The following YTHDC2 variants were observed in gnomAD, a reference collection of about 807,000 sequenced individuals.
The protein encoded by YTHDC2 is 3'-5' RNA helicase YTHDC2.
A neutral mutation model predicts 174.9 loss-of-function variants in YTHDC2; 45 were observed. That is an observed-to-expected ratio of 0.26 (90% CI 0.20 to 0.33). YTHDC2 has a LOEUF of 0.33. YTHDC2 is among the 10% of genes least tolerant of loss of function. The probability of loss-of-function intolerance (pLI) is 1.00; values close to 1 mark genes in which losing one functional copy is unlikely to be tolerated. For missense variants in YTHDC2, 1,650 were observed against 1,723.7 expected (o/e 0.96, Z 0.76); for synonymous variants, 657 against 574.5 (o/e 1.14, Z -2.05).
intron 10 of YTHDC2, among the ~76,000 whole-genome samples, chr5:113,548,103 A>C (rs1776011518): frequency 6.6e-6 from 1 of 152,162 alleles, no homozygotes. Flanking sequence ...CATTGTCTCA[A>C]ACTTTGCATT....
intron 7 of YTHDC2, among the ~76,000 whole-genome samples, chr5:113,536,702 G>A (rs566763479): frequency 7.2e-5 from 11 of 152,228 alleles, no homozygotes; most frequent in African/African-American, 1.7e-4. Flanking sequence ...GAACACAAAT[G>A]TATGCAAATA....
At chr5:113,551,725 T>C (rs1293062879) in intron 12 of YTHDC2, among the ~76,000 whole-genome samples, 1 of 152,180 alleles carries the variant, frequency 6.6e-6, no homozygotes, top group Non-Finnish European at 1.5e-5. Context: ...CTGCATGTTG[T>C]GCACATGTAT....
intron 12 of YTHDC2, among the ~76,000 whole-genome samples, chr5:113,549,727 G>T (rs1776121061): frequency 6.6e-6 from 1 of 151,784 alleles, no homozygotes; most frequent in African/African-American, 2.4e-5. Context: ...CCTGTTCTAC[G>T]TATTCTTTTT....
In YTHDC2 at chr5:113,581,468, C is replaced by T. The variant is rs377394588; in HGVS notation, c.3406C>T (p.Arg1136Cys). ...ACAGAAGTGGCATAGCTTATTTTTA[C>T]GCCGAATGAGAGCTCCATCTAAACC... ...LRQKWHSLFL[R>C]RMRAPSKPWS... The change falls in exon 25 of 30, where the codon CGC becomes TGC. Residue 1136 changes from arginine (R) to cysteine (C), a missense_variant. Coordinates refer to ENST00000161863, the MANE Select transcript of YTHDC2 (RefSeq NM_022828.5). 1.1e-5 allele frequency: 18 copies of T among 1,612,774 alleles called. No individual in the cohort carries two copies. The South Asian group carries it at 1.2e-4, about 11-fold the overall frequency.
chr5:113,559,050 A>C (rs1776791464), intron 17 of YTHDC2, among the ~76,000 whole-genome samples: 4 of 152,176 alleles, frequency 2.6e-5, no homozygotes, highest in Admixed American at 2.6e-4. Context: ...AAGTTCCTTC[A>C]GGGGAGAGGG....
chr5:113,533,747 A>T (rs1457083628), intron 5 of YTHDC2, among the ~76,000 whole-genome samples: 3 of 152,116 alleles, frequency 2.0e-5, no homozygotes, highest in Non-Finnish European at 4.4e-5. Flanking sequence ...TTAAATCCAA[A>T]AATCTGAAAT....
At chr5:113,571,601 T>C (rs1017870369) in intron 23 of YTHDC2, among the ~76,000 whole-genome samples, 25 of 152,188 alleles carry the variant, frequency 1.6e-4, no homozygotes, top group African/African-American at 5.3e-4. Flanking sequence ...TAAATCCATC[T>C]GGTTGGGCTT....
intron 26 of YTHDC2, among the ~76,000 whole-genome samples, chr5:113,585,479 A>T (rs1161108172): frequency 6.6e-6 from 1 of 152,064 alleles, no homozygotes; most frequent in Non-Finnish European, 1.5e-5. Flanking sequence ...TTATTTATAC[A>T]CCTTTATTAA....
chr5:113,537,158 T>C (rs1261741840), intron 7 of YTHDC2, among the ~76,000 whole-genome samples: 1 of 152,292 alleles, frequency 6.6e-6, no homozygotes, highest in South Asian at 2.1e-4. Context: ...AATAAGAGTA[T>C]ATCTATTTTT....
At position 113,591,070 on chromosome 5, in the gene YTHDC2, C is replaced by T. The variant is rs1561715964; in HGVS notation, c.3855C>T (p.Asn1285=). Residue 1285 remains asparagine (N), a synonymous_variant, in exon 27 of 30, where the codon AAC becomes AAT. Transcript: ENST00000161863. ...KGSKSPSPRP[N]MPVRYFIMKS... is the part of the protein sequence containing the mutation. ...CAAAATCTCCTTCGCCAAGACCAAA[C>T]ATGCCTGTTCGATACTTCATAATGA... 1.2e-6 allele frequency: 2 copies of T among 1,613,894 alleles called. No individual in the cohort carries two copies. The highest frequency in any genetic ancestry group is 1.3e-5 in the African/African-American group (1 of 75,036).
At chr5:113,527,562 C>G (rs2112559669) in intron 4 of YTHDC2, among the ~76,000 whole-genome samples, 1 of 152,130 alleles carries the variant, frequency 6.6e-6, no homozygotes, top group South Asian at 2.1e-4. Flanking sequence ...TGACAATTGC[C>G]TAAAATTTCC....
intron 23 of YTHDC2, among the ~76,000 whole-genome samples, chr5:113,575,708 T>C (rs1778000769): frequency 6.6e-6 from 1 of 152,160 alleles, no homozygotes; most frequent in South Asian, 2.1e-4. Context: ...GAAAAGGAAG[T>C]CATTAAAAGG....
chr5:113,588,371 A>G (rs1452312591), intron 26 of YTHDC2, among the ~76,000 whole-genome samples: 1 of 151,888 alleles, frequency 6.6e-6, no homozygotes, highest in Non-Finnish European at 1.5e-5. Flanking sequence ...TGTTATTTTT[A>G]TATATTGCTG....
At chr5:113,579,964 G>A in intron 24 of YTHDC2, 2 of 976,762 alleles carry the variant, frequency 2.0e-6, no homozygotes, top group Non-Finnish European at 2.4e-6. Flanking sequence ...ATAAAGAACA[G>A]AAATTTATTT....
chr5:113,543,678 A>C (rs933723681), intron 10 of YTHDC2, among the ~76,000 whole-genome samples: 33 of 152,218 alleles, frequency 2.2e-4, no homozygotes, highest in African/African-American at 8.0e-4. Flanking sequence ...GATAAAAATC[A>C]AAGTCCTTTC....
chr5:113,517,106 G>A (rs1397463346), intron 2 of YTHDC2, among the ~76,000 whole-genome samples: 1 of 152,178 alleles, frequency 6.6e-6, no homozygotes, highest in Non-Finnish European at 1.5e-5. Flanking sequence ...TTTGCAATAT[G>A]TTGTATAATC....
chr5:113,586,492 A>C (rs930808202), intron 26 of YTHDC2, among the ~76,000 whole-genome samples: 5 of 151,876 alleles, frequency 3.3e-5, no homozygotes, highest in African/African-American at 1.2e-4. Context: ...TGCCTTTTGA[A>C]GAGCAAATGT....
chr5:113,575,562 A>C (rs1187490526), intron 23 of YTHDC2, among the ~76,000 whole-genome samples: 1 of 152,200 alleles, frequency 6.6e-6, no homozygotes, highest in Non-Finnish European at 1.5e-5. Flanking sequence ...AAAGAGGGAA[A>C]GCACCAAGAT....
chr5:113,579,220 T>C (rs1778246370), intron 23 of YTHDC2, among the ~76,000 whole-genome samples: 1 of 152,150 alleles, frequency 6.6e-6, no homozygotes. Context: ...CCTGTGACTT[T>C]ATAAGAGTAT....
Sources: gnomAD v4.1 joint callset for allele counts (sites outside exome capture counted in the v4.1 genomes callset) on GRCh38, gnomAD v4.1.1 for gene constraint, MANE v1.5 for transcripts, NCBI Gene and HGNC (gene_info 2026-07-23, HGNC 2026-07-21) for gene names.